The following CCDC102B variants were observed in gnomAD, a reference collection of about 807,000 sequenced individuals.
CCDC102B encodes coiled-coil domain-containing protein 102B.
A neutral mutation model predicts 57.4 loss-of-function variants in CCDC102B; 75 were observed. The observed-to-expected ratio is 1.31, with a 90% confidence interval of 1.08 to 1.58. CCDC102B has a LOEUF of 1.58. Among genes scored for constraint, CCDC102B ranks in the 40% most tolerant of loss-of-function variants. The pLI is 0.00. For missense variants in CCDC102B, 636 were observed against 582.6 expected, an observed-to-expected ratio of 1.09 and a Z score of -0.94; for synonymous variants, 206 against 201.9, an observed-to-expected ratio of 1.02 and a Z score of -0.17.
intron 2 of CCDC102B, among the ~76,000 whole-genome samples, chr18:68,784,053 T>G (rs1432393755): frequency 6.6e-6 from 1 of 152,224 alleles, no homozygotes; most frequent in Non-Finnish European, 1.5e-5. Context: ...TAAGCTGCAC[T>G]GGCTTACCTC....
intron 4 of CCDC102B, among the ~76,000 whole-genome samples, chr18:68,871,547 A>G (rs2039239186): frequency 6.6e-6 from 1 of 152,150 alleles, no homozygotes; most frequent in Non-Finnish European, 1.5e-5. Flanking sequence ...GAGAAAGTAT[A>G]GTTGTTTAAT....
chr18:68,782,477 T>C (rs182067085), intron 2 of CCDC102B, among the ~76,000 whole-genome samples: 1 of 152,324 alleles, frequency 6.6e-6, no homozygotes, highest in Admixed American at 6.5e-5. Context: ...ATGGAAATAT[T>C]AGTGCTTTAT....
At chr18:69,022,728 G>T (rs960259458) in intron 7 of CCDC102B, among the ~76,000 whole-genome samples, 2 of 151,892 alleles carry the variant, frequency 1.3e-5, no homozygotes, top group African/African-American at 4.8e-5. Context: ...CCATTTAAAG[G>T]CAGTTTTTGT....
At chr18:68,842,050 CTTAA>C (rs1485706093) in intron 3 of CCDC102B, among the ~76,000 whole-genome samples, 2 of 151,902 alleles carry the variant, frequency 1.3e-5, no homozygotes, top group Non-Finnish European at 2.9e-5. Flanking sequence ...ATTTTGTCTT[CTTAA>C]TTTATTTTCT....
At chr18:68,974,526 C>T (rs1044983942) in intron 6 of CCDC102B, among the ~76,000 whole-genome samples, 1 of 151,854 alleles carries the variant, frequency 6.6e-6, no homozygotes, top group Non-Finnish European at 1.5e-5. Flanking sequence ...ATTTTATTGA[C>T]ATTAAAAATG....
intron 1 of CCDC102B, among the ~76,000 whole-genome samples, chr18:68,822,347 T>C (rs184572176): frequency 1.6e-4 from 25 of 151,920 alleles, no homozygotes; most frequent in Non-Finnish European, 3.2e-4. Flanking sequence ...TGAGCTGAGA[T>C]TGCACCACTG....
At position 68,838,901 on chromosome 18, in the gene CCDC102B, C is replaced by A; in HGVS notation, c.802C>A (p.Gln268Lys). Residue 268 changes from glutamine (Q) to lysine (K), a missense_variant, in exon 3 of 8, where the codon CAA becomes AAA. By Grantham distance (53) the Gln-to-Lys change is moderately conservative. Coordinates refer to ENST00000360242, the MANE Select transcript of CCDC102B (RefSeq NM_024781.3). ...SALQVHLDEF[Q>K]KILWKEREMR... ...TTTGCAGGTGCATTTGGATGAATTC[C>A]AAAAAATCTTATGGAAGGAAAGAGA... The A allele has an allele frequency of 6.2e-7, 1 of 1,613,596 alleles. No homozygotes were observed. Among genetic ancestry groups the A allele is most frequent in the Non-Finnish European group, 8.5e-7 (1 of 1,179,780 alleles).
rs139268539 is a variant in CCDC102B, at chr18:69,009,374, C to T, written c.1264-1560C>T. ...CCCTTTAAGCTACCCTCACATGTAC[C>T]TTACCCTCCTCATAGCCTGTCCTTA... On this transcript the variant is annotated intron_variant, in intron 6 of 7. Coordinates refer to ENST00000360242, the MANE Select transcript of CCDC102B (RefSeq NM_024781.3). Among the ~76,000 whole-genome samples the T allele has an allele frequency of 2.9e-3, 448 of 152,260 alleles. 1 individual carries two copies. Among genetic ancestry groups the T allele is most frequent in the African/African-American group, 0.01 (416 of 41,550 alleles).
intron 6 of CCDC102B, among the ~76,000 whole-genome samples, chr18:68,977,570 C>G (rs954393435): frequency 6.9e-6 from 1 of 145,700 alleles, no homozygotes. Flanking sequence ...AAAAAAAAAA[C>G]AGGTTGTAAA....
intron 7 of CCDC102B, among the ~76,000 whole-genome samples, chr18:69,022,632 T>C (rs1307690306): frequency 2.6e-5 from 4 of 152,116 alleles, no homozygotes; most frequent in Non-Finnish European, 5.9e-5. Context: ...ACATTCATTG[T>C]TCCATGCAAA....
At chr18:68,997,879 C>T (rs562125056) in intron 6 of CCDC102B, among the ~76,000 whole-genome samples, 2 of 151,796 alleles carry the variant, frequency 1.3e-5, no homozygotes, top group South Asian at 4.2e-4. Flanking sequence ...TTTCGCATTG[C>T]TGTAGTTTAA....
At chr18:68,749,448 T>C (rs1470195731) in intron 2 of CCDC102B, among the ~76,000 whole-genome samples, 1 of 152,224 alleles carries the variant, frequency 6.6e-6, no homozygotes, top group African/African-American at 2.4e-5. Flanking sequence ...CTCTTCTATT[T>C]CATTGAGCAG....
At chr18:68,787,910 A>G (rs2035272165) in intron 2 of CCDC102B, among the ~76,000 whole-genome samples, 2 of 150,338 alleles carry the variant, frequency 1.3e-5, no homozygotes, top group South Asian at 2.1e-4. Context: ...AGTTCTTTTA[A>G]TTGTGATGTT....
chr18:68,931,319 A>G (rs1307936248), intron 6 of CCDC102B, among the ~76,000 whole-genome samples: 2 of 151,992 alleles, frequency 1.3e-5, no homozygotes, highest in Non-Finnish European at 2.9e-5. Flanking sequence ...AAGATAAGCT[A>G]AACTGCTATG....
intron 7 of CCDC102B, among the ~76,000 whole-genome samples, chr18:69,047,715 C>T (rs1412533601): frequency 3.3e-5 from 5 of 152,060 alleles, no homozygotes; most frequent in Admixed American, 1.3e-4. Context: ...AATCAATGTA[C>T]GGTAATCAGT....
At chr18:68,728,429 C>G (rs1444066338) in intron 2 of CCDC102B, among the ~76,000 whole-genome samples, 1 of 152,146 alleles carries the variant, frequency 6.6e-6, no homozygotes. Flanking sequence ...GATTGAACAA[C>G]AGAAACAAAA....
intron 6 of CCDC102B, among the ~76,000 whole-genome samples, chr18:68,906,853 A>ATTTTTTT (rs2040667452): frequency 6.9e-6 from 1 of 145,450 alleles, no homozygotes; most frequent in Non-Finnish European, 1.5e-5. Context: ...TTTTTTTGTC[A>ATTTTTTT]TTTATGCTTC....
chr18:68,851,572 C>T (rs1448302263), intron 4 of CCDC102B, among the ~76,000 whole-genome samples: 1 of 152,000 alleles, frequency 6.6e-6, no homozygotes, highest in African/African-American at 2.4e-5. Flanking sequence ...GTCAAGGTAC[C>T]TCTCAGAACA....
intron 6 of CCDC102B, among the ~76,000 whole-genome samples, chr18:68,934,745 T>G (rs1696287632): frequency 6.6e-6 from 1 of 152,002 alleles, no homozygotes; most frequent in African/African-American, 2.4e-5. Context: ...CAGCAAATAC[T>G]ATATTCAAAC....
Sources: gnomAD v4.1 joint callset for allele counts (sites outside exome capture counted in the v4.1 genomes callset) on GRCh38, gnomAD v4.1.1 for gene constraint, MANE v1.5 for transcripts, NCBI Gene and HGNC (gene_info 2026-07-23, HGNC 2026-07-21) for gene names.